Variants in UMAD1 observed in about 807,000 individuals in gnomAD.
UMAD1 encodes UBAP1-MVB12-associated (UMA) domain containing 1, also known as UBAP1-MVB12-associated (UMA)-domain containing protein 1.
In UMAD1, 8 loss-of-function variants were observed where a neutral mutation model predicts 6.1. That is an observed-to-expected ratio of 1.30 (90% CI 0.76 to 2.35). The LOEUF (loss-of-function observed/expected upper bound fraction) is 2.35. UMAD1 is among the 30% of genes most tolerant of loss of function. The probability of loss-of-function intolerance (pLI) is 0.00; values close to 1 mark genes in which losing one functional copy is unlikely to be tolerated. For missense variants in UMAD1, 130 were observed against 78.4 expected, an observed-to-expected ratio of 1.66 and a Z score of -2.49; for synonymous variants, 56 against 31.4, an observed-to-expected ratio of 1.78 and a Z score of -2.61.
chr7:7,778,595 T>C (rs1469617360), intron 2 of UMAD1, among the ~76,000 whole-genome samples: 1 of 152,034 alleles, frequency 6.6e-6, no homozygotes, highest in African/African-American at 2.4e-5. Context: ...TTTTATATTT[T>C]TGTAGAGATG....
chr7:7,791,141 G>A (rs1489706514), intron 2 of UMAD1, among the ~76,000 whole-genome samples: 1 of 151,258 alleles, frequency 6.6e-6, no homozygotes, highest in African/African-American at 2.5e-5. Context: ...ACCCGCCTCA[G>A]CCTCCCAAAG....
chr7:7,748,020 T>G (rs1781605563), intron 2 of UMAD1, among the ~76,000 whole-genome samples: 1 of 152,082 alleles, frequency 6.6e-6, no homozygotes, highest in African/African-American at 2.4e-5. Context: ...CACTGCAACC[T>G]CCGCCTCCTG....
intron 1 of UMAD1, among the ~76,000 whole-genome samples, chr7:7,650,897 C>G (rs1379636914): frequency 6.6e-6 from 1 of 152,194 alleles, no homozygotes; most frequent in African/African-American, 2.4e-5. Context: ...CTCCCCAACA[C>G]TTTATTATAA....
chr7:7,700,696 T>C (rs1213874448), intron 2 of UMAD1, among the ~76,000 whole-genome samples: 1 of 152,206 alleles, frequency 6.6e-6, no homozygotes, highest in Non-Finnish European at 1.5e-5. Flanking sequence ...AAGACCAGCC[T>C]GGCCAACATG....
At chr7:7,678,227 T>G (rs929076246) in intron 2 of UMAD1, among the ~76,000 whole-genome samples, 9 of 149,684 alleles carry the variant, frequency 6.0e-5, no homozygotes, top group African/African-American at 2.2e-4. Context: ...GTCCCTTTTC[T>G]ACACATCCTT....
chr7:7,645,696 G>T (rs1328630841), intron 1 of UMAD1, among the ~76,000 whole-genome samples: 1 of 152,130 alleles, frequency 6.6e-6, no homozygotes, highest in African/African-American at 2.4e-5. Flanking sequence ...TAATTGAGAT[G>T]ATTGAAATGA....
intron 3 of UMAD1, among the ~76,000 whole-genome samples, chr7:7,862,148 G>A (rs1784128617): frequency 6.6e-6 from 1 of 151,990 alleles, no homozygotes; most frequent in Admixed American, 6.6e-5. Context: ...ATTTTTGACT[G>A]TATCTTATGC....
At chr7:7,850,469 A>G (rs1783887717) in intron 3 of UMAD1, among the ~76,000 whole-genome samples, 1 of 152,068 alleles carries the variant, frequency 6.6e-6, no homozygotes, top group African/African-American at 2.4e-5. Context: ...AAAGAATTGT[A>G]TCTTTTATCT....
Position 7,778,226 on chromosome 7 carries a change from TTGTGTGTGTGTGTGTG to T in UMAD1, c.83-23409_83-23394del, listed in dbSNP as rs61647575. On this transcript the variant is annotated intron_variant, in intron 2 of 3. Transcript: ENST00000682710. ...CATCTTGGCTTCTCCAAAACTGGTT[TTGTGTGTGTGTGTGTG>T]TGTGTGTGTGTGTGTGTGTGTGTGT... is the stretch of plus-strand genomic sequence containing the variant. Among the ~76,000 whole-genome samples the T allele has an allele frequency of 4.7e-3, 591 of 126,454 alleles. 6 individuals carry two copies. Among genetic ancestry groups the T allele is most frequent in the Admixed American group, 8.3e-3 (102 of 12,316 alleles). 83.0% of individuals were successfully genotyped at this position (126,454 alleles called of 152,430 possible). A position where few individuals can be genotyped will look rare whatever the true frequency, so the allele number is the denominator to read the frequency against.
intron 2 of UMAD1, among the ~76,000 whole-genome samples, chr7:7,791,840 T>A (rs1280822182): frequency 6.6e-6 from 1 of 152,208 alleles, no homozygotes; most frequent in Non-Finnish European, 1.5e-5. Flanking sequence ...AGCTGTATGA[T>A]TCGAACAGCA....
At chr7:7,853,973 G>A (rs1018125441) in intron 3 of UMAD1, among the ~76,000 whole-genome samples, 2 of 152,136 alleles carry the variant, frequency 1.3e-5, no homozygotes, top group Non-Finnish European at 2.9e-5. Context: ...TCAGGTTGCT[G>A]AAGAGCCCTT....
chr7:7,780,961 C>T (rs1436851755), intron 2 of UMAD1, among the ~76,000 whole-genome samples: 1 of 152,112 alleles, frequency 6.6e-6, no homozygotes, highest in African/African-American at 2.4e-5. Context: ...AGAAATAACA[C>T]TATAATAAAC....
At position 7,879,136 on chromosome 7, in the gene UMAD1, A is replaced by C. The variant is rs1784479763; in HGVS notation, c.*1598A>C. On this transcript the variant is annotated 3_prime_UTR_variant, in exon 4 of 4. Coordinates refer to ENST00000682710, the MANE Select transcript of UMAD1 (RefSeq NM_001302348.2). ...TGCCTACCATGTTATAAATGTTCAT[A>C]AGTACCTTCATGTGTCTATAAAAAA... The C allele has an allele frequency of 6.6e-6, 1 of 152,188 alleles. No individual in the cohort carries two copies. The allele number at this position is 152,188 out of a possible 1,614,324, so 9.4% of individuals were successfully genotyped here. A position where few individuals can be genotyped will look rare whatever the true frequency, so the allele number is the denominator to read the frequency against.
chr7:7,741,617 A>AATAAT (rs1563169882), intron 2 of UMAD1, among the ~76,000 whole-genome samples: 4 of 134,988 alleles, frequency 3.0e-5, no homozygotes, highest in African/African-American at 7.8e-5. Flanking sequence ...ATAATAATAA[A>AATAAT]AATAATAAAA....
At chr7:7,698,699 C>G (rs557288040) in intron 2 of UMAD1, among the ~76,000 whole-genome samples, 1 of 152,146 alleles carries the variant, frequency 6.6e-6, no homozygotes, top group African/African-American at 2.4e-5. Flanking sequence ...TTTCAACCTT[C>G]TTTCTCCAGC....
At chr7:7,833,584 A>C (rs1307996576) in intron 3 of UMAD1, among the ~76,000 whole-genome samples, 3 of 152,188 alleles carry the variant, frequency 2.0e-5, no homozygotes, top group Non-Finnish European at 4.4e-5. Flanking sequence ...ATAGGTTGTC[A>C]GGAAGCGGGC....
chr7:7,799,376 C>T (rs933939030), intron 2 of UMAD1, among the ~76,000 whole-genome samples: 1 of 152,160 alleles, frequency 6.6e-6, no homozygotes, highest in South Asian at 2.1e-4. Context: ...TGCTTCCAGG[C>T]AGATGTGTTG....
chr7:7,729,988 C>G (rs1781215984), intron 2 of UMAD1, among the ~76,000 whole-genome samples: 2 of 152,200 alleles, frequency 1.3e-5, no homozygotes, highest in African/African-American at 4.8e-5. Flanking sequence ...TCAATAGTTG[C>G]AGTGTTCTAA....
intron 3 of UMAD1, among the ~76,000 whole-genome samples, chr7:7,839,428 G>A (rs1053845249): frequency 3.3e-5 from 5 of 152,260 alleles, no homozygotes; most frequent in East Asian, 3.9e-4. Flanking sequence ...TTGCCCAGAC[G>A]GATCTTGAAC....
Sources: gnomAD v4.1 joint callset for allele counts (sites outside exome capture counted in the v4.1 genomes callset) on GRCh38, gnomAD v4.1.1 for gene constraint, MANE v1.5 for transcripts, NCBI Gene and HGNC (gene_info 2026-07-23, HGNC 2026-07-21) for gene names.